Variants in NFATC1 observed in about 807,000 individuals in gnomAD.
The protein encoded by NFATC1 is nuclear factor of activated T-cells, cytoplasmic 1.
In NFATC1, 22 loss-of-function variants were observed where a neutral mutation model predicts 76.0. The observed-to-expected ratio is 0.29, with a 90% CI of 0.21 to 0.41. NFATC1 has a LOEUF of 0.41. Among genes scored for constraint, NFATC1 ranks in the 10% least tolerant of loss-of-function variants. The pLI is 1.00. For synonymous variants in NFATC1, 704 were observed against 613.1 expected, an observed-to-expected ratio of 1.15 and a Z score of -2.19; for missense variants, 1,357 against 1,337.7, an observed-to-expected ratio of 1.01 and a Z score of -0.23.
Position 79,499,062 on chromosome 18 carries a change from A to G in NFATC1, c.2782+12125A>G, listed in dbSNP as rs1034548900. Among the ~76,000 whole-genome samples, 7 of 152,374 alleles carry G rather than the reference A, an allele frequency of 4.6e-5. No homozygotes were observed. In the East Asian group the frequency reaches 5.8e-4, roughly 13 times the overall value. Reference sequence around the variant, plus strand: ...AAGAAGCACTGGTGAGAGTAATTACATAGGTGAATTAAAAAGACAGCACAA... The same window carrying G: ...AAGAAGCACTGGTGAGAGTAATTACGTAGGTGAATTAAAAAGACAGCACAA... On this transcript the variant is annotated intron_variant, in intron 9 of 9. Transcript: ENST00000427363.
chr18:79,510,333 A>C (rs1181102521), intron 9 of NFATC1, among the ~76,000 whole-genome samples: 1 of 152,218 alleles, frequency 6.6e-6, no homozygotes, highest in East Asian at 1.9e-4. Context: ...CTAAAAAAAA[A>C]CCACATATGG....
chr18:79,396,596 AGGCGAG>A (rs1193402910), intron 1 of NFATC1, among the ~76,000 whole-genome samples: 1 of 152,002 alleles, frequency 6.6e-6, no homozygotes, highest in Admixed American at 6.5e-5. Context: ...TGAGGGCGCG[AGGCGAG>A]GCCGCCGCGG....
chr18:79,409,743 A>G (rs1460143709), intron 1 of NFATC1, among the ~76,000 whole-genome samples: 2 of 152,168 alleles, frequency 1.3e-5, no homozygotes. Flanking sequence ...AATTGAACAC[A>G]TTTTATGTGC....
At chr18:79,400,483 G>T (rs1306901111) in intron 1 of NFATC1, 1 of 1,477,812 alleles carries the variant, frequency 6.8e-7, no homozygotes, top group African/African-American at 1.5e-5. Flanking sequence ...GCCCCAGGTG[G>T]GTCAGTCCCG....
At chr18:79,518,177 C>T (rs1161564411) in intron 9 of NFATC1, among the ~76,000 whole-genome samples, 1 of 152,252 alleles carries the variant, frequency 6.6e-6, no homozygotes, top group Non-Finnish European at 1.5e-5. Context: ...CTGCATGGGC[C>T]TGGCGTGCAG....
intron 6 of NFATC1, 57 bp from the exon 7 acceptor site, chr18:79,461,253 TG>T: frequency 6.2e-7 from 1 of 1,602,528 alleles, no homozygotes; most frequent in Non-Finnish European, 8.5e-7. Flanking sequence ...TGGGGGTGTC[TG>T]GGGAGGGGGC....
intron 9 of NFATC1, among the ~76,000 whole-genome samples, chr18:79,513,242 C>T (rs566353256): frequency 3.6e-4 from 55 of 152,326 alleles, no homozygotes; most frequent in African/African-American, 1.2e-3. Flanking sequence ...GCAGAGACGC[C>T]GTCCCCGGCC....
intron 8 of NFATC1, chr18:79,468,682 C>A (rs1162763728): frequency 1.3e-5 from 2 of 152,246 alleles, no homozygotes; most frequent in African/African-American, 4.8e-5. Context: ...ACGTTCACAC[C>A]AAACTGTTGG....
At chr18:79,449,459 T>C (rs1024735531) in intron 4 of NFATC1, among the ~76,000 whole-genome samples, 6 of 152,214 alleles carry the variant, frequency 3.9e-5, no homozygotes, top group East Asian at 1.9e-4. Context: ...GGACGAAACA[T>C]GTAACTTCCA....
At chr18:79,451,548 C>T (rs1455859717) in intron 5 of NFATC1, 128 bp from the exon 6 acceptor site, 5 of 1,026,840 alleles carry the variant, frequency 4.9e-6, no homozygotes, top group South Asian at 2.4e-5. Flanking sequence ...CCGCAGGGGT[C>T]GGCCCGCAGG....
At chr18:79,501,725 G>A (rs879695395) in intron 9 of NFATC1, among the ~76,000 whole-genome samples, 2 of 150,176 alleles carry the variant, frequency 1.3e-5, no homozygotes, top group African/African-American at 2.5e-5. Context: ...TATATGCAAG[G>A]AATAATCCAA....
At chr18:79,436,736 G>T (rs143678033) in intron 3 of NFATC1, among the ~76,000 whole-genome samples, 1 of 151,992 alleles carries the variant, frequency 6.6e-6, no homozygotes, top group African/African-American at 2.4e-5. Context: ...GGCGTGAGGG[G>T]GTCCGGCATC....
intron 3 of NFATC1, among the ~76,000 whole-genome samples, chr18:79,439,377 C>T (rs1436099594): frequency 4.6e-5 from 7 of 152,142 alleles, no homozygotes; most frequent in Non-Finnish European, 1.0e-4. Context: ...GGCCCACGCA[C>T]GGGGAGGACG....
chr18:79,464,772 C>T (rs1203399682), intron 7 of NFATC1, among the ~76,000 whole-genome samples: 2 of 146,920 alleles, frequency 1.4e-5, no homozygotes. Flanking sequence ...GTGGCTTGAT[C>T]ATGGCTCACT....
In NFATC1 at chr18:79,396,047, A is replaced by T; in HGVS notation, c.-178A>T. On this transcript the variant is annotated 5_prime_UTR_variant, in exon 1 of 10. Coordinates refer to ENST00000427363, the MANE Select transcript of NFATC1 (RefSeq NM_001278669.2). ...GGCTCGGAGCCACCGCGCAGGTCCT[A>T]GGGCCGCGGCCGGGCCCCGCCACGC... 2.9e-6 allele frequency: 2 copies of T among 694,476 alleles called. No individual in the cohort carries two copies. Among genetic ancestry groups the T allele is most frequent in the Non-Finnish European group, 3.8e-6 (2 of 532,168 alleles). The allele number at this position is 694,476 out of a possible 1,614,324, so 43.0% of individuals were successfully genotyped here. A position where few individuals can be genotyped will look rare whatever the true frequency, so the allele number is the denominator to read the frequency against.
At chr18:79,398,563 G>A (rs1220563584) in intron 1 of NFATC1, among the ~76,000 whole-genome samples, 1 of 152,220 alleles carries the variant, frequency 6.6e-6, no homozygotes, top group African/African-American at 2.4e-5. Context: ...CCTAGGAGCA[G>A]CAGGGGAGCC....
intron 2 of NFATC1, among the ~76,000 whole-genome samples, chr18:79,426,564 C>G (rs2086343233): frequency 7.1e-6 from 1 of 139,998 alleles, no homozygotes; most frequent in South Asian, 2.2e-4. Context: ...CTCGGCAGTT[C>G]TGGGCCCCCT....
At chr18:79,440,701 A>G (rs142399944) in intron 3 of NFATC1, among the ~76,000 whole-genome samples, 1 of 152,368 alleles carries the variant, frequency 6.6e-6, no homozygotes, top group East Asian at 1.9e-4. Flanking sequence ...TGAGGGTGGC[A>G]GCCATTTCTG....
At chr18:79,438,322 G>A (rs76032846) in intron 3 of NFATC1, among the ~76,000 whole-genome samples, 15,544 of 152,254 alleles carry the variant, frequency 0.1, 1,063 homozygotes, top group Non-Finnish European at 0.15. Context: ...CACTCTCCCG[G>A]AGGTGGCCGG....
Sources: gnomAD v4.1 joint callset for allele counts (sites outside exome capture counted in the v4.1 genomes callset) on GRCh38, gnomAD v4.1.1 for gene constraint, MANE v1.5 for transcripts, NCBI Gene and HGNC (gene_info 2026-07-23, HGNC 2026-07-21) for gene names.